RPL10A: variants seen among roughly 807,000 people sequenced by gnomAD.
RPL10A encodes the protein ribosomal protein L10a.
In RPL10A, 11 loss-of-function variants were observed where a neutral mutation model predicts 24.6. That is an observed-to-expected ratio of 0.45 (90% confidence interval 0.28 to 0.74). The LOEUF (loss-of-function observed/expected upper bound fraction) is 0.74. Ranked by LOEUF, RPL10A falls within the 30% of genes least tolerant of loss-of-function variation. The pLI, the probability that RPL10A is intolerant of heterozygous loss-of-function variation, is 0.13. For synonymous variants in RPL10A, 98 were observed against 108.5 expected, an observed-to-expected ratio of 0.90 and a Z score of 0.60; for missense variants, 136 against 273.1, an observed-to-expected ratio of 0.50 and a Z score of 3.54.
intron 4 of RPL10A, 35 bp downstream of exon 4, chr6:35,469,564 G>T: frequency 6.2e-7 from 1 of 1,601,662 alleles, no homozygotes. Flanking sequence ...CATGTGAGAT[G>T]TGTGGTGGGG....
chr6:35,470,593 C>G lies in RPL10A; in HGVS notation c.497C>G (p.Ala166Gly). ...KFQMKKVLCL[A>G]VAVGHVKMTD... is the part of the protein sequence containing the mutation. ...CCCTCCTCCCAGGTGTTATGTCTGG[C>G]TGTAGCTGTTGGTCACGTGAAGATG... is the stretch of plus-strand genomic sequence containing the variant. The change falls in exon 6 of 6, where the codon GCT (alanine) becomes GGT (glycine). Residue 166 changes from alanine (A) to glycine (G), a missense_variant. This residue lies in a region of RPL10A where 48 missense variants were observed against 105.9 expected (regional missense o/e 0.45). Transcript: ENST00000322203. The surrounding 1 kb of genome is among the most constrained non-coding windows in gnomAD (Gnocchi z 4.6). The G allele has an allele frequency of 6.2e-7, 1 of 1,613,858 alleles. No individual in the cohort carries two copies. The highest frequency in any genetic ancestry group is 8.5e-7 in the Non-Finnish European group (1 of 1,179,794).
chr6:35,469,068 G>T (rs201175047), intron 3 of RPL10A, 41 bp downstream of exon 3: 32 of 1,607,000 alleles, frequency 2.0e-5, no homozygotes, highest in Admixed American at 1.8e-4. Context: ...CAGTGCCCCC[G>T]TGCTTGCCCC....
chr6:35,470,139 C>T lies in RPL10A; in HGVS notation c.311-40C>T. 1.9e-6 allele frequency: 3 copies of T among 1,585,420 alleles called. No homozygotes were observed. Among genetic ancestry groups the T allele is most frequent in the South Asian group, 2.3e-5 (2 of 88,300 alleles). On this transcript the variant is annotated intron_variant, in intron 4 of 5. Coordinates refer to ENST00000322203, the MANE Select transcript of RPL10A (RefSeq NM_007104.5). The surrounding 1 kb of genome is among the most constrained non-coding windows in gnomAD (Gnocchi z 4.6). ...CACATTTGAGGTGTGCCTTGGTGAC[C>T]AGGTTCTAAGCAATGCCAATGGCTT... is the stretch of plus-strand genomic sequence containing the variant.
chr6:35,469,115 G>T (rs1319291435), intron 3 of RPL10A, 88 bp downstream of exon 3: 3 of 1,575,132 alleles, frequency 1.9e-6, no homozygotes, highest in Non-Finnish European at 2.6e-6. Context: ...AGGCGGGCAC[G>T]TCGGTACTGA....
Position 35,470,417 on chromosome 6 carries a change from C to G in RPL10A, c.483+66C>G, listed in dbSNP as rs1325777071. 6 of 1,547,334 alleles carry G rather than the reference C, an allele frequency of 3.9e-6. No homozygotes were observed. In the African/African-American group the frequency reaches 6.8e-5, roughly 18 times the overall value. On this transcript the variant is annotated intron_variant, in intron 5 of 5. Coordinates refer to ENST00000322203, the MANE Select transcript of RPL10A (RefSeq NM_007104.5). The surrounding 1 kb of genome is among the most constrained non-coding windows in gnomAD (Gnocchi z 4.6). ...CAGGGTCTAAATCTTATCCAAGTCTCTAAATATGCCAGTAAGAGCACCCAC... is the reference window on the plus strand; with the variant it reads ...CAGGGTCTAAATCTTATCCAAGTCTGTAAATATGCCAGTAAGAGCACCCAC...
In RPL10A at chr6:35,470,565, C is replaced by T. The variant is rs1441814834; in HGVS notation, c.484-15C>T. ...GTCCACCAACCTGACTTGATCCTCT[C>T]TTCCCTCCTCCCAGGTGTTATGTCT... is the stretch of plus-strand genomic sequence containing the variant. On this transcript the variant is annotated splice_polypyrimidine_tract_variant and intron_variant, in intron 5 of 5. Coordinates refer to ENST00000322203, the MANE Select transcript of RPL10A (RefSeq NM_007104.5). This position sits in a 1 kb window ranked among gnomAD's most constrained non-coding sequence, Gnocchi z 4.6. The T allele has an allele frequency of 1.2e-6, 2 of 1,611,074 alleles. No homozygotes were observed. Among genetic ancestry groups the T allele is most frequent in the East Asian group, 4.5e-5 (2 of 44,848 alleles).
chr6:35,470,536 A>G lies in RPL10A; in HGVS notation c.484-44A>G. Reference sequence around the variant, plus strand: ...GGGGAGGAAGGACAGGCCATCTGCTATTCGTCCACCAACCTGACTTGATCC... The same window carrying G: ...GGGGAGGAAGGACAGGCCATCTGCTGTTCGTCCACCAACCTGACTTGATCC... On this transcript the variant is annotated intron_variant, in intron 5 of 5. Transcript: ENST00000322203. The surrounding 1 kb of genome is among the most constrained non-coding windows in gnomAD (Gnocchi z 4.6). The G allele has an allele frequency of 6.3e-7, 1 of 1,585,698 alleles. No individual in the cohort carries two copies. The highest frequency in any genetic ancestry group is 1.1e-5 in the South Asian group (1 of 88,332).
In RPL10A at chr6:35,470,642, C is replaced by T. The variant is rs111336248; in HGVS notation, c.546C>T (p.Asn182=). 1.5e-4 allele frequency: 240 copies of T among 1,613,884 alleles called. 1 individual carries two copies. In the African/African-American group the frequency reaches 2.5e-3, roughly 16 times the overall value. Reference sequence around the variant, plus strand: ...TGACAGACGATGAGCTTGTGTATAACATTCACCTGGCTGTCAACTTCTTGG... The same window carrying T: ...TGACAGACGATGAGCTTGTGTATAATATTCACCTGGCTGTCAACTTCTTGG... ...VKMTDDELVY[N]IHLAVNFLVS... is the part of the protein sequence containing the mutation. Residue 182 remains asparagine, a synonymous_variant, in exon 6 of 6, where the codon AAC becomes AAT. Transcript: ENST00000322203. The surrounding 1 kb of genome is among the most constrained non-coding windows in gnomAD (Gnocchi z 4.6).
In RPL10A at chr6:35,470,563, C is replaced by G. The variant is rs1348694081; in HGVS notation, c.484-17C>G. ...TCGTCCACCAACCTGACTTGATCCT[C>G]TCTTCCCTCCTCCCAGGTGTTATGT... On this transcript the variant is annotated splice_polypyrimidine_tract_variant and intron_variant, in intron 5 of 5. Transcript: ENST00000322203. The surrounding 1 kb of genome is among the most constrained non-coding windows in gnomAD (Gnocchi z 4.6). 3 of 1,610,782 alleles carry G rather than the reference C, an allele frequency of 1.9e-6. No homozygotes were observed. The highest frequency in any genetic ancestry group is 2.2e-5 in the South Asian group (2 of 90,760).
Position 35,470,735 on chromosome 6 carries a change from C to T in RPL10A, c.639C>T (p.Pro213=). The stretch of plus-strand genomic sequence containing the variant: ...ATATCAAGAGCACCATGGGCAAGCC[C>T]CAGCGCCTATATTAAGGCACATTTG... The part of the protein sequence containing the change: ...ALYIKSTMGK[P]QRLY Residue 213 remains proline (P), a synonymous_variant, in exon 6 of 6, where the codon CCC becomes CCT. Coordinates refer to ENST00000322203, the MANE Select transcript of RPL10A (RefSeq NM_007104.5). This position sits in a 1 kb window ranked among gnomAD's most constrained non-coding sequence, Gnocchi z 4.6. 1 of 1,603,088 alleles carries T rather than the reference C, an allele frequency of 6.2e-7. No homozygotes were observed. The highest frequency in any genetic ancestry group is 8.5e-7 in the Non-Finnish European group (1 of 1,179,954).
chr6:35,468,698 GGGCCGCCC>G, intron 1 of RPL10A, 93 bp from the exon 2 acceptor site: 1 of 1,532,706 alleles, frequency 6.5e-7, no homozygotes, highest in South Asian at 1.2e-5. Flanking sequence ...AGTCCGCCGT[GGGCCGCCC>G]GCCCGTCTCG....
At position 35,470,550 on chromosome 6, in the gene RPL10A, C is replaced by T; in HGVS notation, c.484-30C>T. The stretch of plus-strand genomic sequence containing the variant: ...GGCCATCTGCTATTCGTCCACCAAC[C>T]TGACTTGATCCTCTCTTCCCTCCTC... On this transcript the variant is annotated intron_variant, in intron 5 of 5. Transcript: ENST00000322203. This position sits in a 1 kb window ranked among gnomAD's most constrained non-coding sequence, Gnocchi z 4.6. 6.2e-7 allele frequency: 1 copy of T among 1,604,050 alleles called. No individual in the cohort carries two copies. Among genetic ancestry groups the T allele is most frequent in the Non-Finnish European group, 8.5e-7 (1 of 1,172,490 alleles).
chr6:35,470,523 C>T lies in RPL10A; in HGVS notation c.484-57C>T. On this transcript the variant is annotated intron_variant, in intron 5 of 5. Transcript: ENST00000322203. This position sits in a 1 kb window ranked among gnomAD's most constrained non-coding sequence, Gnocchi z 4.6. ...CACCAGGCCACTGGGGGAGGAAGGA[C>T]AGGCCATCTGCTATTCGTCCACCAA... 3 of 1,555,366 alleles carry T rather than the reference C, an allele frequency of 1.9e-6. No homozygotes were observed. The highest frequency in any genetic ancestry group is 2.6e-6 in the Non-Finnish European group (3 of 1,135,158).
chr6:35,468,639 C>A, intron 1 of RPL10A, 160 bp from the exon 2 acceptor site: 1 of 1,518,126 alleles, frequency 6.6e-7, no homozygotes, highest in Non-Finnish European at 8.8e-7. Flanking sequence ...GGGCTTGGGT[C>A]TGGGTCTGAG....
chr6:35,468,802 C>T lies in RPL10A; in HGVS notation c.9C>T (p.Ser3=). 3.1e-6 allele frequency: 5 copies of T among 1,599,898 alleles called. No homozygotes were observed. The highest frequency in any genetic ancestry group is 4.3e-6 in the Non-Finnish European group (5 of 1,173,598). Residue 3 remains serine, a synonymous_variant, in exon 2 of 6, where the codon AGC becomes AGT. Transcript: ENST00000322203. The part of the protein sequence containing the change: MS[S]KVSRDTLYEA... ...CCCTGTCGCTTCTCTCCCGCAGCAGCAAAGTCTCTCGCGACACCCTGTACG... is the reference window on the plus strand; with the variant it reads ...CCCTGTCGCTTCTCTCCCGCAGCAGTAAAGTCTCTCGCGACACCCTGTACG...
Position 35,469,021 on chromosome 6 carries a change from C to T in RPL10A, c.155C>T (p.Thr52Ile), listed in dbSNP as rs11553980. The T allele has an allele frequency of 6.2e-7, 1 of 1,612,248 alleles. No individual in the cohort carries two copies. The highest frequency in any genetic ancestry group is 8.5e-7 in the Non-Finnish European group (1 of 1,179,940). Residue 52 changes from threonine (T) to isoleucine (I), a missense_variant, in exon 3 of 6, where the codon ACC becomes ATC. Physicochemically the swap from Thr to Ile is moderately conservative, Grantham distance 89. Transcript: ENST00000322203. ...DPQKDKRFSG[T>I]VRLKSTPRPK... ...CAGAAGGACAAGCGCTTCTCGGGCA[C>T]CGTCAGGTTGGCACCGTTCTGATCC...
chr6:35,469,494 AACTC>A lies in RPL10A; in HGVS notation c.277_280del (p.Leu93ThrfsTer23). 6.2e-7 allele frequency: 1 copy of A among 1,613,860 alleles called. No homozygotes were observed. The highest frequency in any genetic ancestry group is 8.5e-7 in the Non-Finnish European group (1 of 1,179,942). ...CACATGGACATCGAGGCGCTGAAAA[AACTC>A]AACAAGAATAAAAAACTGGTCAAGA... On this transcript the variant is annotated frameshift_variant, in exon 4 of 6. Transcript: ENST00000322203. LOFTEE classifies it high-confidence loss of function.
Position 35,470,717 on chromosome 6 carries a change from G to A in RPL10A, c.621G>A (p.Lys207=), listed in dbSNP as rs963253614. The change falls in exon 6 of 6, where the codon AAG becomes AAA. Residue 207 remains lysine, a synonymous_variant. Transcript: ENST00000322203. This position sits in a 1 kb window ranked among gnomAD's most constrained non-coding sequence, Gnocchi z 4.6. ...NWQNVRALYI[K]STMGKPQRLY ...AGAATGTCCGGGCCTTATATATCAA[G>A]AGCACCATGGGCAAGCCCCAGCGCC... The A allele has an allele frequency of 1.9e-6, 3 of 1,605,252 alleles. No homozygotes were observed. Among genetic ancestry groups the A allele is most frequent in the East Asian group, 2.2e-5 (1 of 44,900 alleles).
Position 35,470,147 on chromosome 6 carries a change from A to C in RPL10A, c.311-32A>C. On this transcript the variant is annotated intron_variant, in intron 4 of 5. Coordinates refer to ENST00000322203, the MANE Select transcript of RPL10A (RefSeq NM_007104.5). This position sits in a 1 kb window ranked among gnomAD's most constrained non-coding sequence, Gnocchi z 4.6. ...AGGTGTGCCTTGGTGACCAGGTTCT[A>C]AGCAATGCCAATGGCTTCCTCTCTC... 6.2e-7 allele frequency: 1 copy of C among 1,601,628 alleles called. No individual in the cohort carries two copies. Among genetic ancestry groups the C allele is most frequent in the Non-Finnish European group, 8.5e-7 (1 of 1,171,372 alleles).
Sources: allele counts gnomAD v4.1 joint callset, GRCh38; gene constraint gnomAD v4.1.1; regional missense constraint gnomAD v4.1.1; non-coding constraint Gnocchi (gnomAD v3.1); transcripts MANE v1.5; gene names NCBI Gene and HGNC (gene_info 2026-07-23, HGNC 2026-07-21).